Variants in ACSS3 observed in about 807,000 individuals in gnomAD.
ACSS3 encodes the protein acyl-CoA synthetase short-chain family member 3, mitochondrial.
Under a neutral mutation model 84.2 loss-of-function variants are expected in ACSS3, and 64 were observed. The ratio of observed to expected loss-of-function variants is 0.76; its 90% CI spans 0.62 to 0.94. The LOEUF is 0.94. Among genes scored for constraint, ACSS3 ranks in the 40% least tolerant of loss-of-function variants. The pLI is 0.00. For missense variants in ACSS3, 815 were observed against 867.6 expected, an observed-to-expected ratio of 0.94 and a Z score of 0.76; for synonymous variants, 317 against 310.1, an observed-to-expected ratio of 1.02 and a Z score of -0.23.
At chr12:81,212,510 C>G (rs2032634515) in intron 9 of ACSS3, among the ~76,000 whole-genome samples, 1 of 149,428 alleles carries the variant, frequency 6.7e-6, no homozygotes, top group African/African-American at 2.6e-5. Flanking sequence ...TTCCATTCTT[C>G]TCCTTCTTTG....
At chr12:81,102,698 G>A (rs1341134769) in intron 1 of ACSS3, among the ~76,000 whole-genome samples, 3 of 151,786 alleles carry the variant, frequency 2.0e-5, no homozygotes, top group African/African-American at 7.3e-5. Flanking sequence ...GTTTGATGGT[G>A]CACACCTGTA....
In ACSS3 at chr12:81,108,247, C is replaced by CTATTAT. The variant is rs71098120; in HGVS notation, c.312-1301_312-1296dup. On this transcript the variant is annotated intron_variant, in intron 1 of 15. Coordinates refer to ENST00000548058, the MANE Select transcript of ACSS3 (RefSeq NM_024560.4). ...TTCTTCCTCCTGTTGCTTTCTGTGG[C>CTATTAT]TATTATTATTATTATTAATTATTAT... Among the ~76,000 whole-genome samples, 202 of 140,972 alleles carry CTATTAT rather than the reference C, an allele frequency of 1.4e-3. 3 individuals carry two copies. Among genetic ancestry groups the CTATTAT allele is most frequent in the South Asian group, 4.8e-4 (2 of 4,204 alleles). The allele number at this position is 140,972 out of a possible 152,430, so 92.5% of individuals were successfully genotyped here. A position where few individuals can be genotyped will look rare whatever the true frequency, so the allele number is the denominator to read the frequency against.
chr12:81,216,314 G>C (rs918642929), intron 9 of ACSS3, among the ~76,000 whole-genome samples: 3 of 151,596 alleles, frequency 2.0e-5, no homozygotes, highest in African/African-American at 4.8e-5. Flanking sequence ...GTTGGAGGAG[G>C]GGGGAGGGAT....
intron 5 of ACSS3, chr12:81,143,578 T>C (rs1311393250): frequency 6.4e-6 from 1 of 155,600 alleles, no homozygotes. Flanking sequence ...TAATTGAATA[T>C]CAGTTGGTTT....
intron 13 of ACSS3, among the ~76,000 whole-genome samples, chr12:81,249,166 A>C (rs1450734625): frequency 6.6e-6 from 1 of 152,078 alleles, no homozygotes; most frequent in African/African-American, 2.4e-5. Context: ...GAGGTTAAGG[A>C]GTTCTTAGAA....
chr12:81,134,975 G>C lies in ACSS3; in HGVS notation c.616G>C (p.Glu206Gln), dbSNP rs775717195. The change falls in exon 3 of 16, where the codon GAA becomes CAA. Residue 206 changes from glutamate to glutamine, a missense_variant. Transcript: ENST00000548058. ...CATATTTGGAGGATTTGCTTCCAAA[G>C]AACTAAGTAGTCGCATTGATCATGT... is the stretch of plus-strand genomic sequence containing the variant. ...SLIFGGFASK[E>Q]LSSRIDHVKP... 2.5e-6 allele frequency: 4 copies of C among 1,604,248 alleles called. No homozygotes were observed. Among genetic ancestry groups the C allele is most frequent in the Non-Finnish European group, 3.4e-6 (4 of 1,174,586 alleles).
At chr12:81,110,484 A>G (rs930227071) in intron 2 of ACSS3, among the ~76,000 whole-genome samples, 1 of 152,206 alleles carries the variant, frequency 6.6e-6, no homozygotes, top group South Asian at 2.1e-4. Context: ...AAGTAATTAT[A>G]AAAAGTATTT....
At chr12:81,252,295 A>G (rs897140337) in intron 13 of ACSS3, among the ~76,000 whole-genome samples, 3 of 152,254 alleles carry the variant, frequency 2.0e-5, no homozygotes, top group African/African-American at 7.2e-5. Context: ...GATATTCATA[A>G]TTATTTATTA....
At chr12:81,109,444 C>T in intron 1 of ACSS3, 116 bp from the exon 2 acceptor site, 1 of 1,121,474 alleles carries the variant, frequency 8.9e-7, no homozygotes, top group Non-Finnish European at 1.2e-6. Context: ...ACATAGAATG[C>T]ACTAGGAAAC....
intron 9 of ACSS3, among the ~76,000 whole-genome samples, chr12:81,202,489 A>C (rs1468389611): frequency 6.6e-6 from 1 of 152,136 alleles, no homozygotes; most frequent in Non-Finnish European, 1.5e-5. Context: ...ATGGTGGTAC[A>C]TTTCCCCAAG....
chr12:81,096,521 A>T (rs1177349757), intron 1 of ACSS3, among the ~76,000 whole-genome samples: 2 of 152,106 alleles, frequency 1.3e-5, no homozygotes, highest in Non-Finnish European at 2.9e-5. Flanking sequence ...TGCACAGAAA[A>T]TGCAGGCTTG....
chr12:81,198,676 T>A (rs1228464798), intron 8 of ACSS3, among the ~76,000 whole-genome samples: 3 of 152,124 alleles, frequency 2.0e-5, no homozygotes, highest in Non-Finnish European at 2.9e-5. Context: ...ATTTCGTTTT[T>A]TCCATTCTGC....
intron 2 of ACSS3, among the ~76,000 whole-genome samples, chr12:81,130,202 C>G (rs1157644050): frequency 2.6e-5 from 4 of 152,222 alleles, no homozygotes; most frequent in Non-Finnish European, 2.9e-5. Flanking sequence ...AATCGCCACA[C>G]TGTCTTCCAC....
At chr12:81,178,079 G>A (rs1046573808) in intron 8 of ACSS3, among the ~76,000 whole-genome samples, 13 of 152,098 alleles carry the variant, frequency 8.5e-5, no homozygotes, top group African/African-American at 3.1e-4. Flanking sequence ...GTCCAATAAT[G>A]ATAGACTGGA....
Position 81,230,363 on chromosome 12 carries a change from G to A in ACSS3, c.1515-694G>A, listed in dbSNP as rs545510008. On this transcript the variant is annotated intron_variant, in intron 11 of 15. Transcript: ENST00000548058. ...TTAGATAAACAAGGAGATAGATAGA[G>A]GTTAAGCCCTTGCCATGCATATAAC... 9.2e-5 allele frequency among the ~76,000 whole-genome samples: 14 copies of A among 151,906 alleles called. No individual in the cohort carries two copies. In the South Asian group the frequency reaches 2.3e-3, roughly 25 times the overall value.
rs549804324 is a variant in ACSS3 at position 81,224,935 on chromosome 12, G to A, written c.1514+4859G>A. Among the ~76,000 whole-genome samples, 4 of 151,886 alleles carry A rather than the reference G, an allele frequency of 2.6e-5. No individual in the cohort carries two copies. In the East Asian group the frequency reaches 7.8e-4, roughly 30 times the overall value. ...TATTTTACTTAACAATGGCCCTAAA[G>A]CACAATAGTACTGATGCTGGCATAT... On this transcript the variant is annotated intron_variant, in intron 11 of 15. Coordinates refer to ENST00000548058, the MANE Select transcript of ACSS3 (RefSeq NM_024560.4).
At chr12:81,170,636 T>C (rs2029962822) in intron 7 of ACSS3, among the ~76,000 whole-genome samples, 1 of 152,130 alleles carries the variant, frequency 6.6e-6, no homozygotes, top group African/African-American at 2.4e-5. Flanking sequence ...TTGGTATTTT[T>C]GGCTGCATTA....
intron 11 of ACSS3, among the ~76,000 whole-genome samples, chr12:81,223,061 G>C (rs956280640): frequency 5.3e-5 from 8 of 152,072 alleles, no homozygotes; most frequent in East Asian, 3.9e-4. Flanking sequence ...CTATGAGTCA[G>C]TAATTTCCAG....
chr12:81,177,336 A>T (rs1361996905), intron 8 of ACSS3, among the ~76,000 whole-genome samples: 1 of 152,198 alleles, frequency 6.6e-6, no homozygotes, highest in Non-Finnish European at 1.5e-5. Flanking sequence ...AGAAAAAAAT[A>T]AAAGGCATCC....
Sources: allele counts gnomAD v4.1 joint callset (sites outside exome capture counted in the v4.1 genomes callset), GRCh38; gene constraint gnomAD v4.1.1; transcripts MANE v1.5; gene names NCBI Gene and HGNC (gene_info 2026-07-23, HGNC 2026-07-21).